WTAP: variants seen among roughly 807,000 people sequenced by gnomAD.
WTAP encodes the protein pre-mRNA-splicing regulator WTAP.
Under a neutral mutation model 50.0 loss-of-function variants are expected in WTAP, and 8 were observed. The ratio of observed to expected loss-of-function variants is 0.16; its 90% CI spans 0.09 to 0.29. WTAP has a LOEUF of 0.29. Among genes scored for constraint, WTAP ranks in the 10% least tolerant of loss-of-function variants. WTAP has a pLI of 1.00. For missense variants in WTAP, 295 were observed against 470.7 expected (o/e 0.63, Z 3.45); for synonymous variants, 194 against 169.0 (o/e 1.15, Z -1.15).
chr6:159,751,624 T>C (rs1779824620), intron 6 of WTAP, among the ~76,000 whole-genome samples: 1 of 152,224 alleles, frequency 6.6e-6, no homozygotes, highest in Admixed American at 6.5e-5. Context: ...AAAGTTATCA[T>C]ATCAAAGAAT....
At position 159,743,383 on chromosome 6, in the gene WTAP, C is replaced by T. The variant is rs917571823; in HGVS notation, c.146-282C>T. 2.6e-5 allele frequency among the ~76,000 whole-genome samples: 4 copies of T among 152,212 alleles called. No homozygotes were observed. In the South Asian group the frequency reaches 8.3e-4, roughly 32 times the overall value. On this transcript the variant is annotated intron_variant, in intron 4 of 7. Transcript: ENST00000621533. Reference sequence around the variant, plus strand: ...ATTAAATAGGTTAAAACATACTAATCAGGATTTTGTGAATACTGTATAACA... The same window carrying T: ...ATTAAATAGGTTAAAACATACTAATTAGGATTTTGTGAATACTGTATAACA...
intron 6 of WTAP, among the ~76,000 whole-genome samples, chr6:159,750,356 T>C (rs1480403159): frequency 6.6e-6 from 1 of 152,220 alleles, no homozygotes; most frequent in Non-Finnish European, 1.5e-5. Flanking sequence ...CTATGGTTTT[T>C]TTCTTGTCAT....
At chr6:159,726,780 C>G, upstream of WTAP, 1 of 1,289,024 alleles carries the variant, frequency 7.8e-7, no homozygotes, top group Non-Finnish European at 1.0e-6. Flanking sequence ...AGGAACGAAC[C>G]CAGCGGCCAG....
chr6:159,735,500 C>G (rs879291523), intron 1 of WTAP, among the ~76,000 whole-genome samples: 11 of 152,100 alleles, frequency 7.2e-5, no homozygotes, highest in African/African-American at 2.2e-4. Flanking sequence ...CCTGTAATCC[C>G]AGCACTTTGG....
At position 159,756,098 on chromosome 6, in the gene WTAP, A is replaced by C. The variant is rs1227011729; in HGVS notation, c.*487A>C. On this transcript the variant is annotated 3_prime_UTR_variant, in exon 8 of 8. Coordinates refer to ENST00000621533, the MANE Select transcript of WTAP (RefSeq NM_001270531.2). ...GTAGTTTTTTATCACTAAAAGTTGG[A>C]CTCATTGATGGAGTCCTGTAGTAGT... 6.5e-6 allele frequency: 1 copy of C among 153,020 alleles called. No homozygotes were observed. Among genetic ancestry groups the C allele is most frequent in the African/African-American group, 2.4e-5 (1 of 41,318 alleles). The allele number at this position is 153,020 out of a possible 1,614,324, so 9.5% of individuals were successfully genotyped here.
chr6:159,754,423 C>T (rs946705725), intron 7 of WTAP, among the ~76,000 whole-genome samples: 1 of 152,104 alleles, frequency 6.6e-6, no homozygotes, highest in Non-Finnish European at 1.5e-5. Flanking sequence ...AGGGGATTGG[C>T]CATAGTGGGC....
chr6:159,743,810 T>C lies in WTAP; in HGVS notation c.273+18T>C, dbSNP rs1779401827. 1.3e-6 allele frequency: 2 copies of C among 1,584,730 alleles called. No homozygotes were observed. The highest frequency in any genetic ancestry group is 1.7e-6 in the Non-Finnish European group (2 of 1,168,612). On this transcript the variant is annotated intron_variant, in intron 5 of 7. Transcript: ENST00000621533. ...AGTGTACTGTAAGTATTTCAAGTTA[T>C]ATAAATGTCTTTAGTTGAGGAATTG...
chr6:159,754,043 AAG>A (rs2114959529), intron 7 of WTAP, among the ~76,000 whole-genome samples: 1 of 152,216 alleles, frequency 6.6e-6, no homozygotes, highest in East Asian at 1.9e-4. Context: ...ATTAGTGAAT[AAG>A]AGATTTAATC....
chr6:159,727,585 C>G lies in WTAP; in HGVS notation c.-127C>G, dbSNP rs1324646425. The G allele has an allele frequency of 5.1e-6, 5 of 986,692 alleles. No homozygotes were observed. Among genetic ancestry groups the G allele is most frequent in the Non-Finnish European group, 6.0e-6 (5 of 830,944 alleles). 61.1% of individuals were successfully genotyped at this position (986,692 alleles called of 1,614,324 possible). ...GGTTGCGGCGGGACTAGGAGCGCGG[C>G]GGGGCCGGCGGCAGAGCTGTCCGGC... On this transcript the variant is annotated 5_prime_UTR_variant, in exon 1 of 8. Transcript: ENST00000621533.
chr6:159,727,755 A>T, intron 1 of WTAP, 52 bp downstream of exon 1: 1 of 981,084 alleles, frequency 1.0e-6, no homozygotes, highest in Non-Finnish European at 1.2e-6. Flanking sequence ...CCGGGGCCTG[A>T]GGGCTGATGC....
chr6:159,755,517 A>G lies in WTAP; in HGVS notation c.1097A>G (p.Lys366Arg), dbSNP rs1464908505. The G allele has an allele frequency of 2.5e-6, 4 of 1,614,080 alleles. No homozygotes were observed. In the African/African-American group the frequency reaches 5.3e-5, roughly 22 times the overall value. ...TDSSHDPQEE[K>R]AVSGKGNRTV... ...TCCAGTCATGACCCTCAAGAGGAGA[A>G]AGCAGTGAGTGGGAAAGGTAATCGA... The change falls in exon 8 of 8, where the codon AAA becomes AGA. Residue 366 changes from lysine to arginine, a missense_variant. Physicochemically the swap from Lys to Arg is conservative, Grantham distance 26. Transcript: ENST00000621533.
intron 1 of WTAP, among the ~76,000 whole-genome samples, 200 bp from the exon 2 acceptor site, chr6:159,736,058 C>G (rs1242063935): frequency 1.3e-5 from 2 of 152,146 alleles, no homozygotes; most frequent in African/African-American, 4.8e-5. Flanking sequence ...GATCTGGGTA[C>G]AGAGTATATA....
intron 2 of WTAP, among the ~76,000 whole-genome samples, 195 bp from the exon 3 acceptor site, chr6:159,738,795 A>AT (rs1172507486): frequency 6.6e-6 from 1 of 152,004 alleles, no homozygotes; most frequent in Non-Finnish European, 1.5e-5. Context: ...TTTCCTAATG[A>AT]TGATGCCCAT....
At chr6:159,735,314 A>AT (rs1323288626) in intron 1 of WTAP, among the ~76,000 whole-genome samples, 1 of 151,954 alleles carries the variant, frequency 6.6e-6, no homozygotes, top group African/African-American at 2.4e-5. Context: ...AATTTTTTTA[A>AT]TTTTTTGGTA....
At chr6:159,731,970 TAAG>T (rs1778599971) in intron 1 of WTAP, among the ~76,000 whole-genome samples, 1 of 152,178 alleles carries the variant, frequency 6.6e-6, no homozygotes, top group Non-Finnish European at 1.5e-5. Flanking sequence ...TACCTGTCTT[TAAG>T]AAGAGAGTAA....
At chr6:159,742,668 A>G (rs1779329740) in intron 4 of WTAP, among the ~76,000 whole-genome samples, 1 of 152,180 alleles carries the variant, frequency 6.6e-6, no homozygotes, top group Non-Finnish European at 1.5e-5. Flanking sequence ...TTGAGTATAA[A>G]AACCAATATA....
chr6:159,755,237 C>T lies in WTAP; in HGVS notation c.817C>T (p.Leu273=). 6.2e-7 allele frequency: 1 copy of T among 1,614,200 alleles called. No homozygotes were observed. Among genetic ancestry groups the T allele is most frequent in the Non-Finnish European group, 8.5e-7 (1 of 1,180,022 alleles). ...GGCCACAAGTAAAGACTGCAGTCGT[C>T]TGACAAACGGACCAAGTAATGGTAG... ...SEATSKDCSR[L]TNGPSNGSSS... The change falls in exon 8 of 8, where the codon CTG becomes TTG. Residue 273 remains leucine (L), a synonymous_variant. Coordinates refer to ENST00000621533, the MANE Select transcript of WTAP (RefSeq NM_001270531.2).
intron 6 of WTAP, among the ~76,000 whole-genome samples, chr6:159,750,588 G>T (rs985305525): frequency 1.9e-4 from 29 of 152,152 alleles, no homozygotes; most frequent in African/African-American, 6.3e-4. Flanking sequence ...TTAAACAAAT[G>T]TGATCATACC....
In WTAP at chr6:159,740,684, GTT is replaced by G. The variant is rs1030103788; in HGVS notation, c.87-1393_87-1392del. Among the ~76,000 whole-genome samples the G allele has an allele frequency of 1.1e-4, 15 of 142,544 alleles. 1 individual carries two copies. Among genetic ancestry groups the G allele is most frequent in the African/African-American group, 3.8e-4 (15 of 39,078 alleles). 93.5% of individuals were successfully genotyped at this position (142,544 alleles called of 152,430 possible). On this transcript the variant is annotated intron_variant, in intron 3 of 7. Coordinates refer to ENST00000621533, the MANE Select transcript of WTAP (RefSeq NM_001270531.2). ...AGTGGATTAGTTTGGTATTAGGAAG[GTT>G]TTTTTTTTTTCTTTTTTCTTTCTTT...
Sources: allele counts gnomAD v4.1 joint callset (sites outside exome capture counted in the v4.1 genomes callset), GRCh38; gene constraint gnomAD v4.1.1; transcripts MANE v1.5; gene names NCBI Gene and HGNC (gene_info 2026-07-23, HGNC 2026-07-21).